The following ZFHX3 variants were observed in gnomAD, a reference collection of about 807,000 sequenced individuals.
ZFHX3 encodes the protein zinc finger homeobox 3.
In ZFHX3, 42 loss-of-function variants were observed where a neutral mutation model predicts 279.1. The observed-to-expected ratio is 0.15, with a 90% CI of 0.12 to 0.19. The LOEUF is 0.19. ZFHX3 is among the 10% of genes least tolerant of loss of function. The pLI is 1.00. For synonymous variants in ZFHX3, 2,293 were observed against 1,957.8 expected, an observed-to-expected ratio of 1.17 and a Z score of -4.52; for missense variants, 4,981 against 4,754.0, an observed-to-expected ratio of 1.05 and a Z score of -1.40.
intron 2 of ZFHX3, among the ~76,000 whole-genome samples, chr16:73,632,581 G>T (rs2052485520): frequency 6.6e-6 from 1 of 151,876 alleles, no homozygotes; most frequent in Non-Finnish European, 1.5e-5. Context: ...AGCTACTCAG[G>T]AGACTGAGGC....
chr16:73,268,228 T>C (rs568194223), intron 4 of ZFHX3, among the ~76,000 whole-genome samples: 1 of 152,302 alleles, frequency 6.6e-6, no homozygotes, highest in East Asian at 1.9e-4. Flanking sequence ...CCTCAATTGG[T>C]TTTGCTTGAG....
At chr16:73,647,917 A>G (rs912572717) in intron 2 of ZFHX3, among the ~76,000 whole-genome samples, 2 of 152,208 alleles carry the variant, frequency 1.3e-5, no homozygotes, top group Admixed American at 6.5e-5. Flanking sequence ...CAAACAAACC[A>G]TAAGCATATA....
intron 6 of ZFHX3, among the ~76,000 whole-genome samples, chr16:73,139,987 G>A (rs1351195851): frequency 1.3e-5 from 2 of 152,220 alleles, no homozygotes; most frequent in Non-Finnish European, 1.5e-5. Flanking sequence ...GTGAGATGGA[G>A]CCAGGCATGG....
rs1302243250 is a variant in ZFHX3, at chr16:73,724,995, A to C, written c.-1607-44755T>G. Among the ~76,000 whole-genome samples the C allele has an allele frequency of 3.3e-5, 5 of 152,276 alleles. No individual in the cohort carries two copies. In the South Asian group the frequency reaches 1.0e-3, roughly 32 times the overall value. On this transcript the variant is annotated intron_variant, in intron 1 of 17. Transcript: ENST00000641206. ...AAACACCAAGAATTTTAAACACCTC[A>C]GTCTGTAATGGGATTAGAGCATCTG...
At chr16:73,180,744 C>A (rs992939261) in intron 5 of ZFHX3, among the ~76,000 whole-genome samples, 8 of 152,008 alleles carry the variant, frequency 5.3e-5, no homozygotes, top group African/African-American at 1.9e-4. Flanking sequence ...CTCACTGCAA[C>A]CTCCGCTTCC....
At chr16:73,863,697 A>T (rs771807855) in intron 1 of ZFHX3, among the ~76,000 whole-genome samples, 11 of 152,154 alleles carry the variant, frequency 7.2e-5, no homozygotes, top group Non-Finnish European at 1.6e-4. Flanking sequence ...TTAGAGTTCC[A>T]CTATACCCTA....
intron 1 of ZFHX3, among the ~76,000 whole-genome samples, chr16:73,720,755 T>C (rs2053466184): frequency 6.6e-6 from 1 of 152,226 alleles, no homozygotes; most frequent in Admixed American, 6.5e-5. Flanking sequence ...TTTTCTACAG[T>C]GAGCCATTTC....
chr16:73,690,815 G>A lies in ZFHX3; in HGVS notation c.-1607-10575C>T, dbSNP rs1282146385. On this transcript the variant is annotated intron_variant, in intron 1 of 17. Coordinates refer to the ZFHX3 transcript ENST00000641206. The stretch of plus-strand genomic sequence containing the variant: ...TCCCTAGTGCCAGACAAATGAGGGA[G>A]GTTACCTTACACCATCTGCTCGCAC... Among the ~76,000 whole-genome samples, 4 of 152,324 alleles carry A rather than the reference G, an allele frequency of 2.6e-5. No homozygotes were observed. The South Asian group carries it at 8.3e-4, about 32-fold the overall frequency.
At chr16:73,450,603 G>T (rs1164455078) in intron 3 of ZFHX3, among the ~76,000 whole-genome samples, 1 of 152,148 alleles carries the variant, frequency 6.6e-6, no homozygotes, top group Non-Finnish European at 1.5e-5. Flanking sequence ...TAAAAACTCT[G>T]CTGTTTTCTT....
rs185637790 is a variant in ZFHX3 at position 73,106,871 on chromosome 16, A to G, written c.-896-13273T>C. Among the ~76,000 whole-genome samples the G allele has an allele frequency of 3.9e-3, 589 of 152,318 alleles. 3 individuals are homozygous for G. Among genetic ancestry groups the G allele is most frequent in the Non-Finnish European group, 4.6e-3 (313 of 68,024 alleles). On this transcript the variant is annotated intron_variant, in intron 7 of 17. Transcript: ENST00000641206. Reference sequence around the variant, plus strand: ...ATGCAACAATGCACTTGGTCACCACATGAGTAATGACAAATGGGTCCGGAC... The same window carrying G: ...ATGCAACAATGCACTTGGTCACCACGTGAGTAATGACAAATGGGTCCGGAC...
At chr16:73,441,986 T>G (rs992992408) in intron 3 of ZFHX3, among the ~76,000 whole-genome samples, 3 of 152,174 alleles carry the variant, frequency 2.0e-5, no homozygotes, top group Non-Finnish European at 4.4e-5. Flanking sequence ...CAACAGTTAG[T>G]GTCTTGGGAT....
intron 1 of ZFHX3, among the ~76,000 whole-genome samples, chr16:73,801,135 T>C (rs1047107533): frequency 1.3e-5 from 2 of 152,214 alleles, no homozygotes; most frequent in African/African-American, 4.8e-5. Flanking sequence ...TTATATTCAA[T>C]TATATAGCAT....
At chr16:73,815,094 A>T (rs1960530477) in intron 1 of ZFHX3, among the ~76,000 whole-genome samples, 1 of 152,244 alleles carries the variant, frequency 6.6e-6, no homozygotes, top group Non-Finnish European at 1.5e-5. Flanking sequence ...TGTGCAAAGC[A>T]CTTAACCCAA....
At chr16:73,719,335 T>A (rs7184115) in intron 1 of ZFHX3, among the ~76,000 whole-genome samples, 120,106 of 151,980 alleles carry the variant, frequency 0.79, 49,402 homozygotes, top group Middle Eastern at 0.9. Context: ...GCCCAGTTAT[T>A]CCTCCCATTA....
chr16:73,867,263 C>G (rs1488668612), intron 1 of ZFHX3, among the ~76,000 whole-genome samples: 1 of 152,106 alleles, frequency 6.6e-6, no homozygotes, highest in African/African-American at 2.4e-5. Flanking sequence ...CAAACCAACA[C>G]TTCGACATTT....
At chr16:73,153,019 C>T (rs544812177) in intron 5 of ZFHX3, among the ~76,000 whole-genome samples, 1 of 152,232 alleles carries the variant, frequency 6.6e-6, no homozygotes, top group African/African-American at 2.4e-5. Context: ...TGCTATCAGG[C>T]TTTGTTAGGA....
chr16:73,328,508 T>A (rs1057088241), intron 3 of ZFHX3, among the ~76,000 whole-genome samples: 1 of 152,200 alleles, frequency 6.6e-6, no homozygotes, highest in Non-Finnish European at 1.5e-5. Flanking sequence ...TTAATTCTTA[T>A]CCCTGTTTTA....
intron 1 of ZFHX3, among the ~76,000 whole-genome samples, chr16:72,972,767 T>C (rs1962162995): frequency 6.6e-6 from 1 of 152,094 alleles, no homozygotes; most frequent in African/African-American, 2.4e-5. Context: ...CCTCTACTCC[T>C]TGAAATCTTC....
chr16:73,777,838 C>A (rs561372044), intron 1 of ZFHX3, among the ~76,000 whole-genome samples: 36 of 152,226 alleles, frequency 2.4e-4, no homozygotes, highest in Non-Finnish European at 4.7e-4. Flanking sequence ...CTGCAAGAAT[C>A]AGAACTGGGA....
Sources: gnomAD v4.1 joint callset for allele counts (sites outside exome capture counted in the v4.1 genomes callset) on GRCh38, gnomAD v4.1.1 for gene constraint, MANE v1.5 for transcripts, NCBI Gene and HGNC (gene_info 2026-07-23, HGNC 2026-07-21) for gene names.